Variants in RORA observed in about 807,000 individuals in gnomAD.
RORA encodes nuclear receptor ROR-alpha.
In RORA, 7 loss-of-function variants were observed where a neutral mutation model predicts 69.5. The ratio of observed to expected loss-of-function variants is 0.10; its 90% CI spans 0.06 to 0.19. The LOEUF (loss-of-function observed/expected upper bound fraction) is 0.19. Among genes scored for constraint, RORA ranks in the 10% least tolerant of loss-of-function variants. The probability of loss-of-function intolerance (pLI) is 1.00; values close to 1 mark genes in which losing one functional copy is unlikely to be tolerated. For missense variants in RORA, 457 were observed against 663.0 expected (o/e 0.69, Z 3.41); for synonymous variants, 261 against 240.8 (o/e 1.08, Z -0.78).
At chr15:61,023,199 A>AAAC (rs1895630914) in intron 1 of RORA, among the ~76,000 whole-genome samples, 1 of 131,118 alleles carries the variant, frequency 7.6e-6, no homozygotes, top group African/African-American at 2.8e-5. Context: ...AAAAAAAAAA[A>AAAC]AAAAAAAAAA....
At chr15:61,221,324 A>T (rs2080093800) in intron 1 of RORA, among the ~76,000 whole-genome samples, 1 of 152,212 alleles carries the variant, frequency 6.6e-6, no homozygotes, top group African/African-American at 2.4e-5. Flanking sequence ...GGAATTCTTA[A>T]AACAGTGATT....
chr15:60,652,129 A>G (rs1420566279), intron 2 of RORA, among the ~76,000 whole-genome samples: 1 of 149,016 alleles, frequency 6.7e-6, no homozygotes, highest in Admixed American at 6.7e-5. Flanking sequence ...TTTTTCCTCT[A>G]GAGTGAAAGG....
intron 1 of RORA, among the ~76,000 whole-genome samples, chr15:60,729,003 C>T (rs898888646): frequency 6.6e-6 from 1 of 152,120 alleles, no homozygotes; most frequent in African/African-American, 2.4e-5. Flanking sequence ...TATCCATAGG[C>T]GGGATATTTA....
chr15:60,697,671 A>G (rs953040243), intron 1 of RORA, among the ~76,000 whole-genome samples: 3 of 152,124 alleles, frequency 2.0e-5, no homozygotes, highest in Non-Finnish European at 4.4e-5. Context: ...GGTTCACACA[A>G]TCAGGCCGGT....
rs76231858 is a variant in RORA, at chr15:61,040,737, T to C, written c.166+188316A>G. Among the ~76,000 whole-genome samples, 598 of 152,318 alleles carry C rather than the reference T, an allele frequency of 3.9e-3. 2 individuals are homozygous for C. Among genetic ancestry groups the C allele is most frequent in the African/African-American group, 0.014 (585 of 41,574 alleles). Reference sequence around the variant, plus strand: ...TAAATAAAATGAATGAAAGGATGGATGGATGGATTACAGACAAGTAAAAAC... The same window carrying C: ...TAAATAAAATGAATGAAAGGATGGACGGATGGATTACAGACAAGTAAAAAC... On this transcript the variant is annotated intron_variant, in intron 1 of 10. Coordinates refer to ENST00000335670, the MANE Select transcript of RORA (RefSeq NM_134261.3).
chr15:60,695,978 G>C (rs1432061484), intron 1 of RORA, among the ~76,000 whole-genome samples: 4 of 151,756 alleles, frequency 2.6e-5, no homozygotes. Context: ...ATAAACCACC[G>C]GCGCTTCAAA....
intron 2 of RORA, among the ~76,000 whole-genome samples, chr15:60,596,863 C>T (rs2068677485): frequency 6.6e-6 from 1 of 152,106 alleles, no homozygotes; most frequent in African/African-American, 2.4e-5. Context: ...GCAAGAGACA[C>T]CTACACTTTT....
chr15:60,862,241 C>G (rs2073441480), intron 1 of RORA, among the ~76,000 whole-genome samples: 1 of 152,236 alleles, frequency 6.6e-6, no homozygotes, highest in African/African-American at 2.4e-5. Flanking sequence ...AAGGTTACCT[C>G]TTACAGGTAA....
intron 1 of RORA, among the ~76,000 whole-genome samples, chr15:60,703,341 A>G (rs1485505191): frequency 3.9e-5 from 6 of 152,210 alleles, no homozygotes; most frequent in African/African-American, 1.4e-4. Context: ...CTGAGGCCCT[A>G]AGTCCATTGA....
intron 1 of RORA, among the ~76,000 whole-genome samples, chr15:61,181,750 T>C (rs1174108951): frequency 6.8e-6 from 1 of 147,844 alleles, no homozygotes; most frequent in Non-Finnish European, 1.5e-5. Flanking sequence ...TACGGCCATA[T>C]GGTAAGAATT....
chr15:60,852,952 C>T (rs1470618074), intron 1 of RORA, among the ~76,000 whole-genome samples: 2 of 152,176 alleles, frequency 1.3e-5, no homozygotes, highest in African/African-American at 2.4e-5. Flanking sequence ...CAAAGGCCCT[C>T]TTCTGCTGAC....
At chr15:60,984,779 C>G (rs1034200087) in intron 1 of RORA, among the ~76,000 whole-genome samples, 29 of 149,128 alleles carry the variant, frequency 1.9e-4, no homozygotes, top group African/African-American at 7.4e-5. Flanking sequence ...TAATAATAAG[C>G]CTGGGCTTGG....
Position 60,511,361 on chromosome 15 carries a change from G to C in RORA, c.685C>G (p.Pro229Ala). The change falls in exon 5 of 11, where the codon CCA (proline) becomes GCA (alanine). Residue 229 changes from proline to alanine, a missense_variant. Pro to Ala is a conservative substitution (Grantham distance 27). Coordinates refer to ENST00000335670, the MANE Select transcript of RORA (RefSeq NM_134261.3). The surrounding 1 kb of genome is among the most constrained non-coding windows in gnomAD (Gnocchi z 6.4). ...TTGATATCAAGACCTGACTGGTCTG[G>C]GGAAGGCTGTATGTCCAGGTAGAAG... The part of the protein sequence containing the change: ...SSFYLDIQPS[P>A]DQSGLDINGI... The C allele has an allele frequency of 6.2e-7, 1 of 1,614,196 alleles. No individual in the cohort carries two copies.
chr15:60,867,011 G>A (rs2073497524), intron 1 of RORA, among the ~76,000 whole-genome samples: 1 of 152,044 alleles, frequency 6.6e-6, no homozygotes, highest in Admixed American at 6.5e-5. Context: ...GACTACAGCT[G>A]TGAGCCACCA....
chr15:61,068,442 T>C (rs1243195510), intron 1 of RORA, among the ~76,000 whole-genome samples: 1 of 152,194 alleles, frequency 6.6e-6, no homozygotes, highest in Non-Finnish European at 1.5e-5. Context: ...ATTAACAATT[T>C]TGATGGAAGG....
chr15:61,205,901 G>A (rs2079936836), intron 1 of RORA, among the ~76,000 whole-genome samples: 1 of 152,142 alleles, frequency 6.6e-6, no homozygotes, highest in Non-Finnish European at 1.5e-5. Flanking sequence ...GGGGTTGGTG[G>A]TATGGTAGGA....
At chr15:60,990,425 T>C (rs1284123119) in intron 1 of RORA, among the ~76,000 whole-genome samples, 1 of 152,186 alleles carries the variant, frequency 6.6e-6, no homozygotes, top group Non-Finnish European at 1.5e-5. Flanking sequence ...GTGCCTTTTG[T>C]AGCAAGTTAT....
At chr15:60,954,420 T>G (rs1374686211) in intron 1 of RORA, among the ~76,000 whole-genome samples, 2 of 145,016 alleles carry the variant, frequency 1.4e-5, no homozygotes, top group African/African-American at 5.1e-5. Flanking sequence ...TGTGCACATG[T>G]ACCCTAAAAC....
At chr15:60,585,031 C>T (rs2068292592) in intron 2 of RORA, among the ~76,000 whole-genome samples, 1 of 152,114 alleles carries the variant, frequency 6.6e-6, no homozygotes, top group Non-Finnish European at 1.5e-5. Flanking sequence ...TTATCCTTTA[C>T]AAGCCTGGTG....
Sources: allele counts gnomAD v4.1 joint callset (sites outside exome capture counted in the v4.1 genomes callset), GRCh38; gene constraint gnomAD v4.1.1; non-coding constraint Gnocchi (gnomAD v3.1); transcripts MANE v1.5; gene names NCBI Gene and HGNC (gene_info 2026-07-23, HGNC 2026-07-21).